GALNT2: variants seen among roughly 807,000 people sequenced by gnomAD.
GALNT2 encodes polypeptide N-acetylgalactosaminyltransferase 2, also known as UDP-GalNAc:polypeptide N-acetylgalactosaminyltransferase 2.
Under a neutral mutation model 81.4 loss-of-function variants are expected in GALNT2, and 31 were observed. That is an observed-to-expected ratio of 0.38 (90% CI 0.29 to 0.51). The LOEUF is 0.51. Ranked by LOEUF, GALNT2 falls within the 20% of genes least tolerant of loss-of-function variation. GALNT2 has a pLI of 0.87. For missense variants in GALNT2, 629 were observed against 765.7 expected (o/e 0.82, Z 2.11); for synonymous variants, 303 against 287.4 (o/e 1.05, Z -0.55).
At chr1:230,120,303 C>T (rs1056279712) in intron 1 of GALNT2, among the ~76,000 whole-genome samples, 1 of 151,374 alleles carries the variant, frequency 6.6e-6, no homozygotes, top group African/African-American at 2.4e-5. Flanking sequence ...CATTCAGTTC[C>T]AGGGGTCCAG....
chr1:230,232,884 T>C (rs1166204037), intron 3 of GALNT2, among the ~76,000 whole-genome samples: 2 of 152,018 alleles, frequency 1.3e-5, no homozygotes, highest in African/African-American at 2.4e-5. Context: ...CCTGCTTTTT[T>C]CCCCCAGACA....
intron 1 of GALNT2, among the ~76,000 whole-genome samples, chr1:230,143,336 G>A (rs1270206710): frequency 2.0e-5 from 3 of 152,308 alleles, no homozygotes; most frequent in African/African-American, 4.8e-5. Context: ...GGTAAGAGAT[G>A]TCCAGTTGTT....
At chr1:230,253,971 GA>G (rs879636935) in intron 10 of GALNT2, among the ~76,000 whole-genome samples, 46 of 148,492 alleles carry the variant, frequency 3.1e-4, no homozygotes, top group African/African-American at 5.4e-4. Flanking sequence ...TATCCAGCCA[GA>G]AAAAAAAAAT....
intron 1 of GALNT2, among the ~76,000 whole-genome samples, chr1:230,114,508 A>G (rs1660789013): frequency 1.3e-5 from 2 of 152,216 alleles, no homozygotes; most frequent in Non-Finnish European, 2.9e-5. Context: ...GGTAGGAGGG[A>G]TTCTCAGCGA....
intron 3 of GALNT2, among the ~76,000 whole-genome samples, chr1:230,219,089 A>G (rs1427108319): frequency 6.6e-6 from 1 of 152,236 alleles, no homozygotes; most frequent in Non-Finnish European, 1.5e-5. Flanking sequence ...ATTGTCTTCC[A>G]TGAAACTGTT....
chr1:230,227,576 T>C (rs570443356), intron 3 of GALNT2, among the ~76,000 whole-genome samples: 18 of 151,032 alleles, frequency 1.2e-4, no homozygotes, highest in South Asian at 4.2e-4. Flanking sequence ...TATATATATA[T>C]ACAAGAAGAG....
intron 10 of GALNT2, among the ~76,000 whole-genome samples, chr1:230,253,767 A>G (rs1287721504): frequency 6.6e-6 from 1 of 152,158 alleles, no homozygotes; most frequent in Non-Finnish European, 1.5e-5. Context: ...GGGCTGTAGA[A>G]CACAAGCAAG....
At chr1:230,138,158 G>A (rs1215661133) in intron 1 of GALNT2, among the ~76,000 whole-genome samples, 3 of 152,132 alleles carry the variant, frequency 2.0e-5, no homozygotes, top group African/African-American at 4.8e-5. Context: ...CCCAAAGGAC[G>A]GTTCTTGGAT....
intron 1 of GALNT2, among the ~76,000 whole-genome samples, chr1:230,075,693 C>T (rs191544397): frequency 1.4e-3 from 213 of 152,232 alleles, no homozygotes; most frequent in African/African-American, 4.8e-3. Flanking sequence ...TGGGGGGCTG[C>T]GGGGAGCCAG....
chr1:230,082,944 T>G (rs919816112), intron 1 of GALNT2, among the ~76,000 whole-genome samples: 1 of 146,938 alleles, frequency 6.8e-6, no homozygotes, highest in African/African-American at 2.6e-5. Context: ...GGAGCTGGGA[T>G]GATGGAGCAG....
intron 2 of GALNT2, among the ~76,000 whole-genome samples, chr1:230,196,740 T>C (rs1663708087): frequency 6.6e-6 from 1 of 152,074 alleles, no homozygotes; most frequent in African/African-American, 2.4e-5. Context: ...GCAGGAGAAG[T>C]TCCGCATCTG....
At chr1:230,177,287 A>AC (rs769888466) in intron 1 of GALNT2, among the ~76,000 whole-genome samples, 3 of 152,190 alleles carry the variant, frequency 2.0e-5, no homozygotes, top group Middle Eastern at 3.2e-3. Flanking sequence ...GGTGGAATAA[A>AC]CCCGGGGAGA....
intron 1 of GALNT2, among the ~76,000 whole-genome samples, chr1:230,165,048 C>A (rs923316984): frequency 6.6e-6 from 1 of 152,108 alleles, no homozygotes; most frequent in East Asian, 1.9e-4. Context: ...TGCATAAGGT[C>A]GAAGTTCCAA....
At chr1:230,228,453 C>T (rs115430534) in intron 3 of GALNT2, among the ~76,000 whole-genome samples, 188 of 151,866 alleles carry the variant, frequency 1.2e-3, no homozygotes, top group Non-Finnish European at 2.3e-3. Flanking sequence ...AGAACAGAAA[C>T]GGATGTAGAC....
At chr1:230,245,894 G>A (rs896234439) in intron 7 of GALNT2, among the ~76,000 whole-genome samples, 169 bp from the exon 8 acceptor site, 2 of 152,204 alleles carry the variant, frequency 1.3e-5, no homozygotes, top group African/African-American at 4.8e-5. Flanking sequence ...CCAAGAGCAA[G>A]ACCTTCTGGG....
intron 11 of GALNT2, among the ~76,000 whole-genome samples, chr1:230,260,199 T>A (rs922890394): frequency 5.9e-5 from 9 of 152,236 alleles, no homozygotes; most frequent in Admixed American, 5.2e-4. Flanking sequence ...TATTTAATAC[T>A]TATTTAATAC....
chr1:230,111,056 G>A (rs1024005734), intron 1 of GALNT2, among the ~76,000 whole-genome samples: 2 of 152,188 alleles, frequency 1.3e-5, no homozygotes, highest in Non-Finnish European at 2.9e-5. Flanking sequence ...GCATATTTGT[G>A]TGTGTGTACA....
At chr1:230,144,536 A>G (rs141257786) in intron 1 of GALNT2, among the ~76,000 whole-genome samples, 33 of 152,262 alleles carry the variant, frequency 2.2e-4, no homozygotes, top group African/African-American at 7.9e-4. Flanking sequence ...TTTCCTTAAG[A>G]AAGTTTTATT....
At chr1:230,210,974 A>T (rs899501102) in intron 3 of GALNT2, among the ~76,000 whole-genome samples, 7 of 152,196 alleles carry the variant, frequency 4.6e-5, no homozygotes, top group Non-Finnish European at 8.8e-5. Context: ...GCCAGCTTGG[A>T]GGGAGGCTTT....
Sources: allele counts gnomAD v4.1 joint callset (sites outside exome capture counted in the v4.1 genomes callset), GRCh38; gene constraint gnomAD v4.1.1; transcripts MANE v1.5; gene names NCBI Gene and HGNC (gene_info 2026-07-23, HGNC 2026-07-21).